Variants in KLHL5 observed in about 807,000 individuals in gnomAD.
The protein encoded by KLHL5 is kelch-like protein 5.
Under a neutral mutation model 77.7 loss-of-function variants are expected in KLHL5, and 48 were observed. That is an observed-to-expected ratio of 0.62 (90% confidence interval 0.49 to 0.79). The LOEUF (loss-of-function observed/expected upper bound fraction) is 0.79. Among genes scored for constraint, KLHL5 ranks in the 30% least tolerant of loss-of-function variants. The probability of loss-of-function intolerance (pLI) is 0.00; values close to 1 mark genes in which losing one functional copy is unlikely to be tolerated. For synonymous variants in KLHL5, 260 were observed against 297.0 expected (o/e 0.88, Z 1.28); for missense variants, 723 against 859.7 (o/e 0.84, Z 1.99).
chr4:39,091,777 C>G (rs1195874889), intron 5 of KLHL5, among the ~76,000 whole-genome samples: 1 of 150,710 alleles, frequency 6.6e-6, no homozygotes, highest in Non-Finnish European at 1.5e-5. Context: ...CTCAAGTGAT[C>G]CTCCCACCTC....
rs1353983336 is a variant in KLHL5, at chr4:39,086,673, G to A, written c.1059G>A (p.Arg353=). The A allele has an allele frequency of 1.7e-5, 28 of 1,613,810 alleles. No homozygotes were observed. Among genetic ancestry groups the A allele is most frequent in the Non-Finnish European group, 2.2e-5 (26 of 1,179,946 alleles). ...TCCGTCATGATTTGGAACAGAGACGGAAAGATCTAAGTAAACTTTTGGCTT... is the reference window on the plus strand; with the variant it reads ...TCCGTCATGATTTGGAACAGAGACGAAAAGATCTAAGTAAACTTTTGGCTT... ...TWVRHDLEQR[R]KDLSKLLAYI... Residue 353 remains arginine (R), a synonymous_variant, in exon 5 of 11, where the codon CGG becomes CGA. Transcript: ENST00000504108.
At chr4:39,100,793 G>A (rs1221050496) in intron 6 of KLHL5, among the ~76,000 whole-genome samples, 1 of 151,956 alleles carries the variant, frequency 6.6e-6, no homozygotes. Flanking sequence ...TTATTTCTGA[G>A]TTTTTTTAGT....
At chr4:39,098,730 A>G (rs1366466735) in intron 6 of KLHL5, among the ~76,000 whole-genome samples, 2 of 150,814 alleles carry the variant, frequency 1.3e-5, no homozygotes, top group African/African-American at 2.4e-5. Flanking sequence ...TGCCCCGCTA[A>G]TTTTTTTGTA....
At chr4:39,050,953 T>C (rs1181391828) in intron 1 of KLHL5, among the ~76,000 whole-genome samples, 1 of 152,240 alleles carries the variant, frequency 6.6e-6, no homozygotes, top group East Asian at 1.9e-4. Context: ...AGGGTAAGGA[T>C]TGACTGAATT....
chr4:39,045,987 A>G (rs1577612430), intron 1 of KLHL5, among the ~76,000 whole-genome samples: 1 of 151,620 alleles, frequency 6.6e-6, no homozygotes, highest in African/African-American at 2.4e-5. Flanking sequence ...AAACAGTTTA[A>G]TAACTCTTTT....
At position 39,074,588 on chromosome 4, in the gene KLHL5, A is replaced by G. The variant is rs919922858; in HGVS notation, c.384-1377A>G. On this transcript the variant is annotated intron_variant, in intron 1 of 10. Coordinates refer to ENST00000504108, the MANE Select transcript of KLHL5 (RefSeq NM_015990.5). ...TAGTCTAGCTATATTCTCAGGCGGA[A>G]AAAAGAATATTTTGGTGAACACATA... Among the ~76,000 whole-genome samples, 4 of 152,310 alleles carry G rather than the reference A, an allele frequency of 2.6e-5. No homozygotes were observed. In the South Asian group the frequency reaches 8.3e-4, roughly 32 times the overall value.
chr4:39,098,598 C>G (rs1721276041), intron 6 of KLHL5, among the ~76,000 whole-genome samples: 1 of 151,550 alleles, frequency 6.6e-6, no homozygotes, highest in Non-Finnish European at 1.5e-5. Flanking sequence ...GAGTCTCGCT[C>G]TATCACCCAG....
intron 5 of KLHL5, chr4:39,093,104 G>A: frequency 2.2e-6 from 1 of 455,802 alleles, no homozygotes; most frequent in East Asian, 7.0e-5. Flanking sequence ...AACCTAAGAA[G>A]CATCCATCAA....
At chr4:39,072,287 C>T (rs1241803555) in intron 1 of KLHL5, among the ~76,000 whole-genome samples, 2 of 152,042 alleles carry the variant, frequency 1.3e-5, no homozygotes, top group Non-Finnish European at 2.9e-5. Context: ...TAGGGCTGTG[C>T]ATGCATTAGA....
chr4:39,101,126 T>TATACATATATATATATATATATA (rs1553892884), intron 6 of KLHL5, among the ~76,000 whole-genome samples: 2,819 of 134,548 alleles, frequency 0.021, 110 homozygotes, highest in African/African-American at 0.032. Flanking sequence ...TATTTGGATT[T>TATACATATATATATATATATATA]TATATATATA....
chr4:39,072,316 T>C (rs572568038), intron 1 of KLHL5, among the ~76,000 whole-genome samples: 1 of 152,274 alleles, frequency 6.6e-6, no homozygotes, highest in African/African-American at 2.4e-5. Flanking sequence ...TAATCTTCTC[T>C]TGAGGGATCC....
intron 7 of KLHL5, among the ~76,000 whole-genome samples, chr4:39,103,778 T>C (rs547255529): frequency 1.3e-5 from 2 of 151,268 alleles, no homozygotes; most frequent in East Asian, 3.9e-4. Flanking sequence ...CTGGGCAACA[T>C]AGGAAAAAAG....
chr4:39,117,113 G>A (rs1257370978), intron 10 of KLHL5, among the ~76,000 whole-genome samples: 1 of 152,104 alleles, frequency 6.6e-6, no homozygotes, highest in African/African-American at 2.4e-5. Flanking sequence ...GGGATTACAG[G>A]CATGAGCCAC....
At chr4:39,056,929 TC>T (rs1717047779) in intron 1 of KLHL5, among the ~76,000 whole-genome samples, 1 of 152,358 alleles carries the variant, frequency 6.6e-6, no homozygotes, top group African/African-American at 2.4e-5. Flanking sequence ...TCTTGTTGCT[TC>T]CAGTCAAGTT....
chr4:39,078,219 T>G (rs2109362024), intron 2 of KLHL5, among the ~76,000 whole-genome samples: 1 of 151,362 alleles, frequency 6.6e-6, no homozygotes, highest in South Asian at 2.1e-4. Flanking sequence ...AACACCATCT[T>G]TACTAAAAAT....
the KLHL5 span, among the ~76,000 whole-genome samples, chr4:39,141,934 C>G: frequency 5.3e-5 from 8 of 152,228 alleles, no homozygotes; most frequent in East Asian, 1.5e-3. Context: ...ATTATGTTGT[C>G]TTCTAAATCT....
At chr4:39,107,198 C>T (rs1409351196) in intron 7 of KLHL5, among the ~76,000 whole-genome samples, 1 of 152,038 alleles carries the variant, frequency 6.6e-6, no homozygotes, top group Non-Finnish European at 1.5e-5. Context: ...CAGGTGCCCG[C>T]CACCATGCCT....
At chr4:39,058,339 T>C (rs909846797), upstream of KLHL5, among the ~76,000 whole-genome samples, 9 of 152,154 alleles carry the variant, frequency 5.9e-5, no homozygotes, top group African/African-American at 1.9e-4. Flanking sequence ...AAAAATACCG[T>C]ACGATTTTGT....
intron 1 of KLHL5, 27 bp downstream of exon 1, chr4:39,063,062 AG>A: frequency 6.4e-7 from 1 of 1,572,338 alleles, no homozygotes; most frequent in Non-Finnish European, 8.7e-7. Flanking sequence ...CTGTTAGAAA[AG>A]GGGTGTGGGG....
Sources: gnomAD v4.1 joint callset for allele counts (sites outside exome capture counted in the v4.1 genomes callset) on GRCh38, gnomAD v4.1.1 for gene constraint, MANE v1.5 for transcripts, NCBI Gene and HGNC (gene_info 2026-07-23, HGNC 2026-07-21) for gene names.